The following PLCB1 variants were observed in gnomAD, a reference collection of about 807,000 sequenced individuals.
PLCB1 encodes 1-phosphatidylinositol 4,5-bisphosphate phosphodiesterase beta-1.
In PLCB1, 46 loss-of-function variants were observed where a neutral mutation model predicts 161.8. The ratio of observed to expected loss-of-function variants is 0.28; its 90% CI spans 0.22 to 0.36. The LOEUF is 0.36. Among genes scored for constraint, PLCB1 ranks in the 10% least tolerant of loss-of-function variants. The pLI, the probability that PLCB1 is intolerant of heterozygous loss-of-function variation, is 1.00. For synonymous variants in PLCB1, 517 were observed against 503.7 expected, an observed-to-expected ratio of 1.03 and a Z score of -0.35; for missense variants, 1,016 against 1,472.5, an observed-to-expected ratio of 0.69 and a Z score of 5.07.
At chr20:8,717,601 T>C (rs972647360) in intron 13 of PLCB1, 70 bp from the exon 14 acceptor site, 44 of 1,201,036 alleles carry the variant, frequency 3.7e-5, no homozygotes, top group Non-Finnish European at 5.2e-5. Context: ...ACAGCTGATC[T>C]GGGGGTCTGG....
chr20:8,275,701 T>G (rs932346082), intron 2 of PLCB1, among the ~76,000 whole-genome samples: 1 of 152,226 alleles, frequency 6.6e-6, no homozygotes, highest in African/African-American at 2.4e-5. Flanking sequence ...TCTTCTGTCT[T>G]AACCTGAAAA....
At position 8,649,455 on chromosome 20, in the gene PLCB1, C is replaced by T; in HGVS notation, c.594+6C>T. The T allele has an allele frequency of 6.3e-7, 1 of 1,597,618 alleles. No homozygotes were observed. Among genetic ancestry groups the T allele is most frequent in the Non-Finnish European group, 8.6e-7 (1 of 1,165,046 alleles). On this transcript the variant is annotated splice_donor_region_variant and intron_variant, in intron 7 of 31. Transcript: ENST00000338037. ...GTAGTCTTCCATCTTCAAGGGTGAG[C>T]ATGTGTGTTATGCTATAGTTTGAAT... is the stretch of plus-strand genomic sequence containing the variant.
At chr20:8,344,068 G>C (rs897361187) in intron 2 of PLCB1, among the ~76,000 whole-genome samples, 2 of 152,138 alleles carry the variant, frequency 1.3e-5, no homozygotes, top group African/African-American at 4.8e-5. Context: ...CCCTATTTTT[G>C]TTAATTGTCT....
intron 31 of PLCB1, among the ~76,000 whole-genome samples, chr20:8,865,781 G>A (rs1231777159): frequency 1.3e-5 from 2 of 152,158 alleles, no homozygotes; most frequent in African/African-American, 4.8e-5. Context: ...GCTATGCCTG[G>A]ATTAAAAAGT....
At chr20:8,778,967 A>C (rs957089530) in intron 27 of PLCB1, among the ~76,000 whole-genome samples, 1 of 152,188 alleles carries the variant, frequency 6.6e-6, no homozygotes, top group Non-Finnish European at 1.5e-5. Flanking sequence ...TGTTAGTTCT[A>C]TCTTTGCTGG....
At chr20:8,297,530 G>A (rs947271829) in intron 2 of PLCB1, among the ~76,000 whole-genome samples, 4 of 152,118 alleles carry the variant, frequency 2.6e-5, no homozygotes, top group African/African-American at 4.8e-5. Flanking sequence ...AATTCCAAAA[G>A]GGAAGTGGAG....
rs73894601 is a variant in PLCB1 at position 8,544,510 on chromosome 20, T to G, written c.247-83784T>G. ...AATTTTCTTCTCTTTCAAGTGGCAA[T>G]CAGAGCACCTGTTTCCACATTGCTA... On this transcript the variant is annotated intron_variant, in intron 3 of 31. Coordinates refer to ENST00000338037, the MANE Select transcript of PLCB1 (RefSeq NM_015192.4). Among the ~76,000 whole-genome samples, 593 of 152,342 alleles carry G rather than the reference T, an allele frequency of 3.9e-3. 3 individuals are homozygous for G. The highest frequency in any genetic ancestry group is 0.012 in the African/African-American group (499 of 41,580).
At chr20:8,763,899 C>A (rs1280668176) in intron 25 of PLCB1, among the ~76,000 whole-genome samples, 1 of 151,998 alleles carries the variant, frequency 6.6e-6, no homozygotes, top group Admixed American at 6.5e-5. Flanking sequence ...CATGGTGACT[C>A]ATGCCTGGAA....
intron 2 of PLCB1, among the ~76,000 whole-genome samples, chr20:8,270,010 C>T (rs919702710): frequency 1.3e-5 from 2 of 152,054 alleles, no homozygotes; most frequent in Non-Finnish European, 2.9e-5. Flanking sequence ...CTTGGTACTG[C>T]ATCAGTGGTA....
At chr20:8,489,734 G>A (rs1362703567) in intron 3 of PLCB1, among the ~76,000 whole-genome samples, 1 of 152,182 alleles carries the variant, frequency 6.6e-6, no homozygotes, top group African/African-American at 2.4e-5. Flanking sequence ...TATAGTACCA[G>A]CATTATTCTA....
chr20:8,696,805 C>G (rs1277366931), intron 10 of PLCB1, among the ~76,000 whole-genome samples: 1 of 152,142 alleles, frequency 6.6e-6, no homozygotes, highest in Non-Finnish European at 1.5e-5. Flanking sequence ...ACCATCTCGG[C>G]TCACTGCAAG....
chr20:8,539,636 C>T (rs1985205987), intron 3 of PLCB1, among the ~76,000 whole-genome samples: 1 of 78,952 alleles, frequency 1.3e-5, no homozygotes, highest in African/African-American at 5.7e-5. Context: ...TTCTTTCTTT[C>T]TTTCTTTCTT....
chr20:8,426,078 T>G (rs892829308), intron 3 of PLCB1, among the ~76,000 whole-genome samples: 1 of 152,290 alleles, frequency 6.6e-6, no homozygotes, highest in East Asian at 1.9e-4. Flanking sequence ...GAAAGGAACA[T>G]GGGAAGCACT....
intron 2 of PLCB1, among the ~76,000 whole-genome samples, chr20:8,206,095 A>G (rs1405060389): frequency 6.6e-6 from 1 of 152,198 alleles, no homozygotes; most frequent in Non-Finnish European, 1.5e-5. Flanking sequence ...ACATCCTCCT[A>G]CAGTAAGCTT....
chr20:8,280,134 G>A (rs1420285142), intron 2 of PLCB1, among the ~76,000 whole-genome samples: 22 of 152,072 alleles, frequency 1.4e-4, no homozygotes, highest in Admixed American at 6.6e-4. Flanking sequence ...TCAGGAGTTC[G>A]AGACCAGCCT....
intron 2 of PLCB1, among the ~76,000 whole-genome samples, chr20:8,160,828 T>TCA (rs2051614610): frequency 6.6e-6 from 1 of 152,126 alleles, no homozygotes; most frequent in Non-Finnish European, 1.5e-5. Flanking sequence ...TAAACATTTA[T>TCA]CACACACACA....
intron 3 of PLCB1, among the ~76,000 whole-genome samples, chr20:8,492,698 T>C (rs1374075263): frequency 6.6e-6 from 1 of 152,122 alleles, no homozygotes; most frequent in African/African-American, 2.4e-5. Context: ...AGTCAGGAAC[T>C]AAGAGTATCT....
intron 3 of PLCB1, among the ~76,000 whole-genome samples, chr20:8,390,100 A>C (rs1025646866): frequency 2.6e-5 from 4 of 152,216 alleles, no homozygotes; most frequent in African/African-American, 9.6e-5. Flanking sequence ...ACACCACGGT[A>C]CTTGTATCAG....
intron 3 of PLCB1, among the ~76,000 whole-genome samples, chr20:8,504,675 A>G (rs1338257596): frequency 6.6e-6 from 1 of 152,104 alleles, no homozygotes; most frequent in Non-Finnish European, 1.5e-5. Flanking sequence ...TTTAACCTAC[A>G]AGGTACCAGA....
Sources: gnomAD v4.1 joint callset for allele counts (sites outside exome capture counted in the v4.1 genomes callset) on GRCh38, gnomAD v4.1.1 for gene constraint, MANE v1.5 for transcripts, NCBI Gene and HGNC (gene_info 2026-07-23, HGNC 2026-07-21) for gene names.